RPP25: variants seen among roughly 807,000 people sequenced by gnomAD.
The protein encoded by RPP25 is ribonuclease P protein subunit p25.
A neutral mutation model predicts 4.4 loss-of-function variants in RPP25; 2 were observed. The ratio of observed to expected loss-of-function variants is 0.45; its 90% confidence interval spans 0.19 to 1.43. The LOEUF is 1.43. RPP25 is among the 40% of genes most tolerant of loss of function. The probability of loss-of-function intolerance (pLI) is 0.26; values close to 1 mark genes in which losing one functional copy is unlikely to be tolerated. For synonymous variants in RPP25, 144 were observed against 136.2 expected, an observed-to-expected ratio of 1.06 and a Z score of -0.40; for missense variants, 319 against 293.8, an observed-to-expected ratio of 1.09 and a Z score of -0.63.
Position 74,955,645 on chromosome 15 carries a change from G to C in RPP25, c.*339C>G, listed in dbSNP as rs1373126300. The C allele has an allele frequency of 3.0e-6, 1 of 337,756 alleles. No individual in the cohort carries two copies. Among genetic ancestry groups the C allele is most frequent in the African/African-American group, 2.2e-5 (1 of 45,934 alleles). The allele number at this position is 337,756 out of a possible 1,614,324, so 20.9% of individuals were successfully genotyped here. On this transcript the variant is annotated 3_prime_UTR_variant, in exon 1 of 1. Coordinates refer to ENST00000322177, the MANE Select transcript of RPP25 (RefSeq NM_017793.3). Reference sequence around the variant, plus strand: ...CAGGTGCTCTTCGTGAATGCTGGGTGGCTTTAACCCTTGGGGGTCCCAAAC... The same window carrying C: ...CAGGTGCTCTTCGTGAATGCTGGGTCGCTTTAACCCTTGGGGGTCCCAAAC...
chr15:74,956,607 G>A lies in RPP25; in HGVS notation c.-24C>T. Reference sequence around the variant, plus strand: ...ATGCGCCGTCGTCGCCGGGACCGCCGGCTTTGCCATGGGGCGGCCTCAGCC... The same window carrying A: ...ATGCGCCGTCGTCGCCGGGACCGCCAGCTTTGCCATGGGGCGGCCTCAGCC... On this transcript the variant is annotated 5_prime_UTR_variant, in exon 1 of 1. Transcript: ENST00000322177. The A allele has an allele frequency of 1.2e-5, 17 of 1,427,282 alleles. No individual in the cohort carries two copies. Among genetic ancestry groups the A allele is most frequent in the Non-Finnish European group, 1.5e-5 (17 of 1,100,898 alleles). The allele number at this position is 1,427,282 out of a possible 1,614,324, so 88.4% of individuals were successfully genotyped here.
chr15:74,956,591 C>A lies in RPP25; in HGVS notation c.-8G>T. 2 of 1,440,982 alleles carry A rather than the reference C, an allele frequency of 1.4e-6. No homozygotes were observed. Among genetic ancestry groups the A allele is most frequent in the East Asian group, 2.8e-5 (1 of 35,844 alleles). The allele number at this position is 1,440,982 out of a possible 1,614,324, so 89.3% of individuals were successfully genotyped here. A position where few individuals can be genotyped will look rare whatever the true frequency, so the allele number is the denominator to read the frequency against. ...CTTACGGAAGTTCTCCATGCGCCGT[C>A]GTCGCCGGGACCGCCGGCTTTGCCA... On this transcript the variant is annotated 5_prime_UTR_variant, in exon 1 of 1. Transcript: ENST00000322177.
At position 74,956,544 on chromosome 15, in the gene RPP25, C is replaced by G; in HGVS notation, c.40G>C (p.Ala14Pro). The G allele has an allele frequency of 6.6e-7, 1 of 1,514,188 alleles. No homozygotes were observed. The highest frequency in any genetic ancestry group is 2.6e-5 in the East Asian group (1 of 38,780). The allele number at this position is 1,514,188 out of a possible 1,614,324, so 93.8% of individuals were successfully genotyped here. Reference sequence around the variant, plus strand: ...CCGCCTCCCTCGGCCCCGCACCCCGCTGGCGCCTCTTCGGAGCGCACCTTA... The same window carrying G: ...CCGCCTCCCTCGGCCCCGCACCCCGGTGGCGCCTCTTCGGAGCGCACCTTA... ...FRKVRSEEAPAGCGAEGGGPG... is the reference protein window; with the variant it reads ...FRKVRSEEAPPGCGAEGGGPG... The change falls in exon 1 of 1, where the codon GCG becomes CCG. Residue 14 changes from alanine (A) to proline (P), a missense_variant. Coordinates refer to ENST00000322177, the MANE Select transcript of RPP25 (RefSeq NM_017793.3).
Position 74,955,556 on chromosome 15 carries a change from AC to A in RPP25, c.*427del. ...TCCTACCCTCAAGCAGTTAATTCTCACCCCCTGCCTTCCTCTGTCAACGGTG... is the reference window on the plus strand; with the variant it reads ...TCCTACCCTCAAGCAGTTAATTCTCACCCCTGCCTTCCTCTGTCAACGGTG... On this transcript the variant is annotated 3_prime_UTR_variant, in exon 1 of 1. Transcript: ENST00000322177. 1 of 185,728 alleles carries A rather than the reference AC, an allele frequency of 5.4e-6. No individual in the cohort carries two copies. The highest frequency in any genetic ancestry group is 9.4e-5 in the South Asian group (1 of 10,646). 11.5% of individuals were successfully genotyped at this position (185,728 alleles called of 1,614,324 possible).
rs775808889 is a variant in RPP25, at chr15:74,955,990, C to T, written c.594G>A (p.Thr198=). 1.2e-6 allele frequency: 2 copies of T among 1,612,736 alleles called. No individual in the cohort carries two copies. Among genetic ancestry groups the T allele is most frequent in the African/African-American group, 1.3e-5 (1 of 75,048 alleles). The part of the protein sequence containing the change: ...PEPGVADEDQ[T]A ...TGGCCCACAGTCCGGAGTTTCAGGC[C>T]GTCTGATCCTCGTCCGCAACCCCTG... Residue 198 remains threonine (T), a synonymous_variant, in exon 1 of 1, where the codon ACG becomes ACA. Transcript: ENST00000322177.
chr15:74,955,726 G>C lies in RPP25; in HGVS notation c.*258C>G. ...TCCCCCAAAGAAGGTCCCAGAAAAG[G>C]TGAAGTTCCGTGTCTTCACGCAACA... is the stretch of plus-strand genomic sequence containing the variant. On this transcript the variant is annotated 3_prime_UTR_variant, in exon 1 of 1. Coordinates refer to ENST00000322177, the MANE Select transcript of RPP25 (RefSeq NM_017793.3). 1 of 533,670 alleles carries C rather than the reference G, an allele frequency of 1.9e-6. No homozygotes were observed. Among genetic ancestry groups the C allele is most frequent in the East Asian group, 3.4e-5 (1 of 29,826 alleles). The allele number at this position is 533,670 out of a possible 1,614,324, so 33.1% of individuals were successfully genotyped here. A position where few individuals can be genotyped will look rare whatever the true frequency, so the allele number is the denominator to read the frequency against.
chr15:74,956,742 C>A lies in RPP25; in HGVS notation c.-159G>T, dbSNP rs1223456379. 2.4e-6 allele frequency: 2 copies of A among 844,156 alleles called. No homozygotes were observed. Among genetic ancestry groups the A allele is most frequent in the South Asian group, 3.5e-5 (1 of 28,618 alleles). The allele number at this position is 844,156 out of a possible 1,614,324, so 52.3% of individuals were successfully genotyped here. A position where few individuals can be genotyped will look rare whatever the true frequency, so the allele number is the denominator to read the frequency against. On this transcript the variant is annotated 5_prime_UTR_variant, in exon 1 of 1. Coordinates refer to ENST00000322177, the MANE Select transcript of RPP25 (RefSeq NM_017793.3). ...CTGGGACGGCGCGATCTCGGCCCCA[C>A]TTCTCTCGAGCGGGCGCCGCTCTAC...
chr15:74,956,548 C>G lies in RPP25; in HGVS notation c.36G>C (p.Ala12=). Reference sequence around the variant, plus strand: ...CTCCCTCGGCCCCGCACCCCGCTGGCGCCTCTTCGGAGCGCACCTTACGGA... The same window carrying G: ...CTCCCTCGGCCCCGCACCCCGCTGGGGCCTCTTCGGAGCGCACCTTACGGA... ...ENFRKVRSEE[A]PAGCGAEGGG... Residue 12 remains alanine, a synonymous_variant, in exon 1 of 1, where the codon GCG becomes GCC. Coordinates refer to ENST00000322177, the MANE Select transcript of RPP25 (RefSeq NM_017793.3). 1 of 1,512,518 alleles carries G rather than the reference C, an allele frequency of 6.6e-7. No homozygotes were observed. The highest frequency in any genetic ancestry group is 8.8e-7 in the Non-Finnish European group (1 of 1,138,030). The allele number at this position is 1,512,518 out of a possible 1,614,324, so 93.7% of individuals were successfully genotyped here.
chr15:74,956,316 C>T lies in RPP25; in HGVS notation c.268G>A (p.Gly90Ser). The T allele has an allele frequency of 6.2e-7, 1 of 1,601,282 alleles. No individual in the cohort carries two copies. The highest frequency in any genetic ancestry group is 1.1e-5 in the South Asian group (1 of 90,552). ...CAEILKRRLA[G>S]LHQVTRLRYR... is the part of the protein sequence containing the mutation. Reference sequence around the variant, plus strand: ...CGCAGCCGCGTGACCTGGTGCAGGCCCGCCAGGCGGCGCTTGAGGATCTCG... The same window carrying T: ...CGCAGCCGCGTGACCTGGTGCAGGCTCGCCAGGCGGCGCTTGAGGATCTCG... The change falls in exon 1 of 1, where the codon GGC becomes AGC. Residue 90 changes from glycine to serine, a missense_variant. Physicochemically the swap from Gly to Ser is moderately conservative, Grantham distance 56. Coordinates refer to ENST00000322177, the MANE Select transcript of RPP25 (RefSeq NM_017793.3).
In RPP25 at chr15:74,954,958, GGA is replaced by G. The variant is rs1236769816; in HGVS notation, c.*1024_*1025del. The G allele has an allele frequency of 1.3e-5, 2 of 152,492 alleles. No individual in the cohort carries two copies. The highest frequency in any genetic ancestry group is 1.3e-4 in the Admixed American group (2 of 15,288). 9.4% of individuals were successfully genotyped at this position (152,492 alleles called of 1,614,324 possible). A position where few individuals can be genotyped will look rare whatever the true frequency, so the allele number is the denominator to read the frequency against. ...CTGCCACCCTTTGCAGTGACCTCCA[GGA>G]GAGTTCATCGATGCTGTCCTTCCAC... On this transcript the variant is annotated 3_prime_UTR_variant, in exon 1 of 1. Coordinates refer to ENST00000322177, the MANE Select transcript of RPP25 (RefSeq NM_017793.3).
In RPP25 at chr15:74,955,888, T is replaced by C. The variant is rs1036599295; in HGVS notation, c.*96A>G. 2 of 1,507,460 alleles carry C rather than the reference T, an allele frequency of 1.3e-6. No homozygotes were observed. Among genetic ancestry groups the C allele is most frequent in the Admixed American group, 2.0e-5 (1 of 49,964 alleles). The allele number at this position is 1,507,460 out of a possible 1,614,324, so 93.4% of individuals were successfully genotyped here. Reference sequence around the variant, plus strand: ...GAGGAGCTGTGTCCAGGTTGTGGGCTCCGGAGGACCGAGGAGTGAAAGGCT... The same window carrying C: ...GAGGAGCTGTGTCCAGGTTGTGGGCCCCGGAGGACCGAGGAGTGAAAGGCT... On this transcript the variant is annotated 3_prime_UTR_variant, in exon 1 of 1. Coordinates refer to ENST00000322177, the MANE Select transcript of RPP25 (RefSeq NM_017793.3).
chr15:74,956,292 G>A lies in RPP25; in HGVS notation c.292C>T (p.Arg98Cys). 6.3e-7 allele frequency: 1 copy of A among 1,598,472 alleles called. No homozygotes were observed. The highest frequency in any genetic ancestry group is 8.5e-7 in the Non-Finnish European group (1 of 1,176,012). Reference sequence around the variant, plus strand: ...CACACCTCGCGTACGCTCCGGTAGCGCAGCCGCGTGACCTGGTGCAGGCCC... The same window carrying A: ...CACACCTCGCGTACGCTCCGGTAGCACAGCCGCGTGACCTGGTGCAGGCCC... The part of the protein sequence containing the change: ...LAGLHQVTRL[R>C]YRSVREVWQS... Residue 98 changes from arginine (R) to cysteine (C), a missense_variant, in exon 1 of 1, where the codon CGC becomes TGC. Transcript: ENST00000322177.
At position 74,956,106 on chromosome 15, in the gene RPP25, G is replaced by A; in HGVS notation, c.478C>T (p.Pro160Ser). 1.2e-6 allele frequency: 2 copies of A among 1,608,912 alleles called. No individual in the cohort carries two copies. Among genetic ancestry groups the A allele is most frequent in the Non-Finnish European group, 1.7e-6 (2 of 1,178,640 alleles). ...GYQPPNPHPG[P>S]SSPPAAPASK... is the part of the protein sequence containing the mutation. ...GCTGGCGCGGCTGGCGGGGACGAGG[G>A]ACCAGGATGGGGATTCGGGGGCTGG... Residue 160 changes from proline (P) to serine (S), a missense_variant, in exon 1 of 1, where the codon CCC becomes TCC. By Grantham distance (74) the Pro-to-Ser change is moderately conservative. Coordinates refer to ENST00000322177, the MANE Select transcript of RPP25 (RefSeq NM_017793.3).
In RPP25 at chr15:74,954,525, G is replaced by A. The variant is rs548159231; in HGVS notation, c.*1459C>T. The stretch of plus-strand genomic sequence containing the variant: ...GGGGTGCTGCTGAGTTGCATGGGAT[G>A]AGATCTGCTTCTGAGATCCTGGGGC... On this transcript the variant is annotated 3_prime_UTR_variant, in exon 1 of 1. Transcript: ENST00000322177. 1.4e-4 allele frequency: 21 copies of A among 152,310 alleles called. No homozygotes were observed. The highest frequency in any genetic ancestry group is 5.1e-4 in the African/African-American group (21 of 41,544). 9.4% of individuals were successfully genotyped at this position (152,310 alleles called of 1,614,324 possible).
rs1347835121 is a variant in RPP25 at position 74,956,512 on chromosome 15, G to A, written c.72C>T (p.Gly24=). 6.5e-7 allele frequency: 1 copy of A among 1,533,726 alleles called. No homozygotes were observed. Among genetic ancestry groups the A allele is most frequent in the Admixed American group, 2.0e-5 (1 of 50,202 alleles). Residue 24 remains glycine (G), a synonymous_variant, in exon 1 of 1, where the codon GGC becomes GGT. Transcript: ENST00000322177. ...AGCGAEGGGP[G]SGPFADLAPG... is the part of the protein sequence containing the mutation. ...GCGCCAGGTCTGCGAAGGGGCCGGA[G>A]CCCGGGCCGCCTCCCTCGGCCCCGC...
rs1490809171 is a variant in RPP25, at chr15:74,956,026, C to A, written c.558G>T (p.Ser186=). ...CGTCCGCAACCCCTGGCTCGGGTTG[C>A]GATCGCTTCGCGGAGCCTTCTCCAG... ...PAAGEGSAKR[S]QPEPGVADED... is the part of the protein sequence containing the mutation. Residue 186 remains serine, a synonymous_variant, in exon 1 of 1, where the codon TCG becomes TCT. Coordinates refer to ENST00000322177, the MANE Select transcript of RPP25 (RefSeq NM_017793.3). The A allele has an allele frequency of 6.2e-7, 1 of 1,611,854 alleles. No individual in the cohort carries two copies. The highest frequency in any genetic ancestry group is 1.7e-5 in the Admixed American group (1 of 59,844).
At position 74,955,601 on chromosome 15, in the gene RPP25, C is replaced by A; in HGVS notation, c.*383G>T. 4.3e-6 allele frequency: 1 copy of A among 234,990 alleles called. No homozygotes were observed. The allele number at this position is 234,990 out of a possible 1,614,324, so 14.6% of individuals were successfully genotyped here. On this transcript the variant is annotated 3_prime_UTR_variant, in exon 1 of 1. Coordinates refer to ENST00000322177, the MANE Select transcript of RPP25 (RefSeq NM_017793.3). ...AACGGTGGGGGTGATTCCAATAACTCTTCTCAGCTTCCATACTTCAGGTGC... is the reference window on the plus strand; with the variant it reads ...AACGGTGGGGGTGATTCCAATAACTATTCTCAGCTTCCATACTTCAGGTGC...
rs767427085 is a variant in RPP25, at chr15:74,956,208, G to C, written c.376C>G (p.Leu126Val). 1 of 1,567,476 alleles carries C rather than the reference G, an allele frequency of 6.4e-7. No individual in the cohort carries two copies. ...GQTPGEPAAS[L>V]SVLKNVPGLA... ...CCGGGCACGTTCTTAAGTACGCTGA[G>C]ACTAGCGGCCGGCTCGCCAGGCGTC... The change falls in exon 1 of 1, where the codon CTC becomes GTC. Residue 126 changes from leucine (L) to valine (V), a missense_variant. By Grantham distance (32) the Leu-to-Val change is conservative (BLOSUM62 1). Transcript: ENST00000322177.
chr15:74,956,260 G>A lies in RPP25; in HGVS notation c.324C>T (p.Ser108=). 1 of 1,583,544 alleles carries A rather than the reference G, an allele frequency of 6.3e-7. No homozygotes were observed. The highest frequency in any genetic ancestry group is 1.1e-5 in the South Asian group (1 of 88,244). The part of the protein sequence containing the change: ...RYRSVREVWQ[S]LPPGPTQGQT... ...GACCCTGCGTGGGCCCAGGCGGGAG[G>A]CTCTGCCACACCTCGCGTACGCTCC... The change falls in exon 1 of 1, where the codon AGC becomes AGT. Residue 108 remains serine (S), a synonymous_variant. Transcript: ENST00000322177.
Sources: allele counts gnomAD v4.1 joint callset, GRCh38; gene constraint gnomAD v4.1.1; transcripts MANE v1.5; gene names NCBI Gene and HGNC (gene_info 2026-07-23, HGNC 2026-07-21).